Variants in LOC400499 observed in about 807,000 individuals in gnomAD.
At chr16:11,391,756 A>G in the LOC400499 span, 1 of 1,232,172 alleles carries the variant, frequency 8.1e-7, no homozygotes, top group Non-Finnish European at 1.0e-6. Context: ...CTCCGGGCCC[A>G]CAAAGTGGCT....
At chr16:11,518,942 A>G in the LOC400499 span, 1 of 398,924 alleles carries the variant, frequency 2.5e-6, no homozygotes. Context: ...CTTGGCCCCC[A>G]GGATGGATGT....
the LOC400499 span, among the ~76,000 whole-genome samples, chr16:11,483,090 T>G: frequency 3.3e-5 from 5 of 152,102 alleles, no homozygotes; most frequent in South Asian, 8.3e-4. Context: ...ATTAGGGAAA[T>G]GCAAATTAAA....
chr16:11,403,109 C>A, the LOC400499 span, among the ~76,000 whole-genome samples: 2 of 152,296 alleles, frequency 1.3e-5, no homozygotes, highest in East Asian at 3.9e-4. Context: ...TCTCCTGAGG[C>A]CCCTGAGCAG....
chr16:11,454,034 C>T, the LOC400499 span, among the ~76,000 whole-genome samples: 3 of 152,128 alleles, frequency 2.0e-5, no homozygotes, highest in Non-Finnish European at 2.9e-5. Flanking sequence ...AGATCCATAC[C>T]AAGGTACCTC....
At chr16:11,401,634 G>T in the LOC400499 span, among the ~76,000 whole-genome samples, 2 of 152,328 alleles carry the variant, frequency 1.3e-5, no homozygotes, top group African/African-American at 4.8e-5. Context: ...GACAGAGATG[G>T]GACTGGAGGT....
the LOC400499 span, among the ~76,000 whole-genome samples, chr16:11,449,496 G>T: frequency 5.3e-5 from 8 of 152,188 alleles, no homozygotes; most frequent in African/African-American, 1.9e-4. Flanking sequence ...AGGAAGAGGT[G>T]GGTGTCATCT....
At chr16:11,515,898 CCAGCCCAGCCCAGCCTAGCCCAGCA>C in the LOC400499 span, 1 of 165,416 alleles carries the variant, frequency 6.0e-6, no homozygotes, top group Non-Finnish European at 1.2e-5. Flanking sequence ...CCAGCCTAGC[CCAGCCCAGCCCAGCCTAGCCCAGCA>C]CTTACAGCCA....
At chr16:11,478,012 C>T in the LOC400499 span, 5 of 398,768 alleles carry the variant, frequency 1.3e-5, no homozygotes, top group South Asian at 1.3e-4. Context: ...GCCCCTGCAG[C>T]CAAGAAATGA....
the LOC400499 span, among the ~76,000 whole-genome samples, chr16:11,407,662 C>G: frequency 6.6e-5 from 10 of 152,316 alleles, no homozygotes; most frequent in African/African-American, 2.2e-4. Flanking sequence ...AGGGGGCAGT[C>G]TAGCAGAAAG....
the LOC400499 span, among the ~76,000 whole-genome samples, chr16:11,372,970 G>T: frequency 6.6e-6 from 1 of 152,250 alleles, no homozygotes; most frequent in Non-Finnish European, 1.5e-5. Flanking sequence ...GGCCCAGCCT[G>T]CTGAGTTCCT....
chr16:11,514,789 A>C, the LOC400499 span, among the ~76,000 whole-genome samples: 4 of 152,204 alleles, frequency 2.6e-5, no homozygotes, highest in Non-Finnish European at 4.4e-5. Flanking sequence ...GGGAAACAAG[A>C]AAGTCTAGCA....
At chr16:11,399,352 G>C in the LOC400499 span, 8 of 915,524 alleles carry the variant, frequency 8.7e-6, no homozygotes, top group South Asian at 3.9e-4. Context: ...AGAGAAGTAA[G>C]TTGCCCAGGA....
chr16:11,462,483 G>A, the LOC400499 span: 1 of 968,226 alleles, frequency 1.0e-6, no homozygotes, highest in Non-Finnish European at 1.2e-6. Flanking sequence ...AAGCTGGAGT[G>A]CAGTGGTGGA....
At chr16:11,466,872 C>A in the LOC400499 span, among the ~76,000 whole-genome samples, 3 of 151,950 alleles carry the variant, frequency 2.0e-5, no homozygotes, top group African/African-American at 7.3e-5. Context: ...ATTTTATCAG[C>A]GCATGCTTGT....
chr16:11,418,381 G>C, the LOC400499 span, among the ~76,000 whole-genome samples: 1 of 152,266 alleles, frequency 6.6e-6, no homozygotes, highest in African/African-American at 2.4e-5. Context: ...AGACCTTGCT[G>C]ATAAAACAGG....
At chr16:11,510,621 G>C in the LOC400499 span, among the ~76,000 whole-genome samples, 162 of 151,738 alleles carry the variant, frequency 1.1e-3, 2 homozygotes, top group Admixed American at 4.1e-3. Context: ...GAGGGTGTCA[G>C]CCTCAGGGTG....
At chr16:11,436,656 C>T in the LOC400499 span, among the ~76,000 whole-genome samples, 3 of 151,966 alleles carry the variant, frequency 2.0e-5, no homozygotes, top group East Asian at 1.9e-4. Flanking sequence ...GGCACAATCT[C>T]GGCTCACTGC....
At chr16:11,435,608 C>T in the LOC400499 span, 1 of 399,060 alleles carries the variant, frequency 2.5e-6, no homozygotes, top group Admixed American at 4.4e-5. Context: ...GGACACCAGC[C>T]TTTTGGCCTC....
the LOC400499 span, chr16:11,508,838 C>A: frequency 1.3e-5 from 5 of 398,964 alleles, no homozygotes; most frequent in East Asian, 1.1e-4. Context: ...ATGTCTTCAT[C>A]GTCTCTATCA....
Sources: allele counts gnomAD v4.1 joint callset (sites outside exome capture counted in the v4.1 genomes callset), GRCh38; gene constraint gnomAD v4.1.1; transcripts MANE v1.5.